Variants in GPHN observed in about 807,000 individuals in gnomAD.
GPHN encodes the protein gephyrin.
Under a neutral mutation model 95.5 loss-of-function variants are expected in GPHN, and 17 were observed. The observed-to-expected ratio is 0.18, with a 90% CI of 0.12 to 0.27. The LOEUF is 0.27. GPHN is among the 10% of genes least tolerant of loss of function. The pLI is 1.00. For missense variants in GPHN, 660 were observed against 978.1 expected (o/e 0.67, Z 4.34); for synonymous variants, 320 against 322.5 (o/e 0.99, Z 0.08).
At chr14:67,579,177 G>GA in the GPHN span, 1 of 1,608,186 alleles carries the variant, frequency 6.2e-7, no homozygotes, top group Admixed American at 1.7e-5. Flanking sequence ...GCGGGCAGTG[G>GA]AGCGGACCCT....
chr14:67,060,481 C>G (rs1243477799), intron 11 of GPHN, among the ~76,000 whole-genome samples: 1 of 152,130 alleles, frequency 6.6e-6, no homozygotes, highest in Non-Finnish European at 1.5e-5. Context: ...ATTAGACCCC[C>G]TAGGCACTTT....
intron 9 of GPHN, among the ~76,000 whole-genome samples, chr14:66,995,646 A>G (rs1016668526): frequency 1.3e-5 from 2 of 152,222 alleles, no homozygotes; most frequent in African/African-American, 4.8e-5. Flanking sequence ...AAATCTGATA[A>G]TAAGTGCATT....
At chr14:67,663,314 T>C in the GPHN span, 1 of 638,850 alleles carries the variant, frequency 1.6e-6, no homozygotes, top group Admixed American at 3.5e-5. Context: ...GATAGCAAGT[T>C]TCATTTTTAA....
At chr14:66,950,044 C>A (rs2068005901) in intron 8 of GPHN, among the ~76,000 whole-genome samples, 1 of 147,556 alleles carries the variant, frequency 6.8e-6, no homozygotes. Flanking sequence ...CAGCACAGTT[C>A]CTAGGAAAAT....
At chr14:67,059,723 G>A (rs1388799412) in intron 11 of GPHN, among the ~76,000 whole-genome samples, 1 of 152,086 alleles carries the variant, frequency 6.6e-6, no homozygotes, top group Non-Finnish European at 1.5e-5. Context: ...TAACTTACTG[G>A]TGCCAGATTT....
the GPHN span, chr14:67,338,463 T>A: frequency 1.3e-6 from 1 of 770,226 alleles, no homozygotes; most frequent in Admixed American, 2.8e-5. Flanking sequence ...TAAATTATGA[T>A]TCTGCAAAAG....
chr14:66,585,634 A>G (rs1482066582), intron 1 of GPHN, among the ~76,000 whole-genome samples: 2 of 151,936 alleles, frequency 1.3e-5, no homozygotes, highest in East Asian at 1.9e-4. Context: ...TTCTGCCTCC[A>G]TTTCGTTATG....
the GPHN span, among the ~76,000 whole-genome samples, chr14:67,415,220 C>T: frequency 6.6e-6 from 1 of 152,116 alleles, no homozygotes; most frequent in African/African-American, 2.4e-5. Flanking sequence ...TGTTTATATG[C>T]ACATACTTTT....
the GPHN span, among the ~76,000 whole-genome samples, chr14:67,420,679 G>C: frequency 6.6e-6 from 1 of 152,162 alleles, no homozygotes; most frequent in Admixed American, 6.5e-5. Context: ...CAACATTTCA[G>C]GAGGGTAGAT....
the GPHN span, among the ~76,000 whole-genome samples, chr14:67,603,021 G>A: frequency 6.6e-6 from 1 of 152,050 alleles, no homozygotes; most frequent in East Asian, 1.9e-4. Flanking sequence ...AATACAAAAG[G>A]TACCTGTACA....
chr14:66,648,858 T>C (rs1017535554), intron 1 of GPHN, among the ~76,000 whole-genome samples: 27 of 152,176 alleles, frequency 1.8e-4, no homozygotes, highest in African/African-American at 6.0e-4. Context: ...ATAAAAATGC[T>C]TTAGTTGTTG....
chr14:66,897,178 T>C (rs1303418460), intron 5 of GPHN, among the ~76,000 whole-genome samples: 2 of 152,144 alleles, frequency 1.3e-5, no homozygotes, highest in Admixed American at 6.6e-5. Context: ...AGTACAAAAT[T>C]ACAGTTGGAT....
the GPHN span, among the ~76,000 whole-genome samples, chr14:67,661,036 C>G: frequency 1.3e-5 from 2 of 152,144 alleles, no homozygotes; most frequent in African/African-American, 4.8e-5. Flanking sequence ...GATGTGCTTC[C>G]TTCTCAGAAC....
intron 19 of GPHN, among the ~76,000 whole-genome samples, chr14:67,161,580 G>A (rs1418225810): frequency 6.6e-6 from 1 of 152,022 alleles, no homozygotes; most frequent in Non-Finnish European, 1.5e-5. Flanking sequence ...GGGCAACATG[G>A]CAAAACCCCG....
chr14:67,104,475 A>G (rs1183751121), intron 13 of GPHN, among the ~76,000 whole-genome samples: 1 of 152,160 alleles, frequency 6.6e-6, no homozygotes, highest in Non-Finnish European at 1.5e-5. Context: ...TAAGCAGTGA[A>G]GTCATCAGAT....
chr14:66,985,347 A>G (rs2070947671), intron 9 of GPHN, among the ~76,000 whole-genome samples: 1 of 152,218 alleles, frequency 6.6e-6, no homozygotes, highest in African/African-American at 2.4e-5. Context: ...AGAAAAGTAC[A>G]TAGGTATATT....
At chr14:67,590,224 G>A in the GPHN span, 3 of 1,422,740 alleles carry the variant, frequency 2.1e-6, no homozygotes, top group African/African-American at 1.5e-5. Flanking sequence ...ATAAGGGAGT[G>A]CAGTGGTGCT....
chr14:66,773,641 C>G (rs772144451), intron 2 of GPHN, among the ~76,000 whole-genome samples: 1 of 152,006 alleles, frequency 6.6e-6, no homozygotes, highest in Non-Finnish European at 1.5e-5. Flanking sequence ...CATGAGCCAC[C>G]GCACCAGATG....
At chr14:66,867,495 TG>T in intron 4 of GPHN, among the ~76,000 whole-genome samples, 1 of 152,306 alleles carries the variant, frequency 6.6e-6, no homozygotes, top group East Asian at 1.9e-4. Context: ...CTTGGGAGTT[TG>T]TCGTGGATGT....
Sources: gnomAD v4.1 joint callset for allele counts (sites outside exome capture counted in the v4.1 genomes callset) on GRCh38, gnomAD v4.1.1 for gene constraint, MANE v1.5 for transcripts, NCBI Gene and HGNC (gene_info 2026-07-23, HGNC 2026-07-21) for gene names.